The following RASSF6 variants were observed in gnomAD, a reference collection of about 807,000 sequenced individuals.
The protein encoded by RASSF6 is ras association domain-containing protein 6.
In RASSF6, 52 loss-of-function variants were observed where a neutral mutation model predicts 44.0. The ratio of observed to expected loss-of-function variants is 1.18; its 90% confidence interval spans 0.95 to 1.49. The LOEUF (loss-of-function observed/expected upper bound fraction) is 1.49. Among genes scored for constraint, RASSF6 ranks in the 40% most tolerant of loss-of-function variants. The pLI is 0.00. For synonymous variants in RASSF6, 162 were observed against 124.6 expected, an observed-to-expected ratio of 1.30 and a Z score of -2.00; for missense variants, 464 against 393.3, an observed-to-expected ratio of 1.18 and a Z score of -1.52.
At chr4:73,615,831 A>T in intron 1 of RASSF6, 1 of 1,365,512 alleles carries the variant, frequency 7.3e-7, no homozygotes, top group Non-Finnish European at 1.0e-6. Flanking sequence ...CAATGCTGGA[A>T]CGTGGTTCAC....
intron 6 of RASSF6, among the ~76,000 whole-genome samples, chr4:73,582,882 T>G (rs78298278): frequency 0.022 from 3,387 of 152,126 alleles, 34 homozygotes; most frequent in South Asian, 0.034. Context: ...AGTAAAAATG[T>G]GGATATGTAA....
intron 3 of RASSF6, among the ~76,000 whole-genome samples, chr4:73,597,789 C>A (rs1313894946): frequency 6.6e-6 from 1 of 152,102 alleles, no homozygotes. Context: ...TACTATGCAG[C>A]CATAAAAAAG....
chr4:73,593,108 C>T (rs1560449405), intron 4 of RASSF6, among the ~76,000 whole-genome samples: 2 of 151,648 alleles, frequency 1.3e-5, no homozygotes, highest in Non-Finnish European at 2.9e-5. Context: ...CTCCGCCTCC[C>T]GGATTAAAGC....
intron 5 of RASSF6, among the ~76,000 whole-genome samples, chr4:73,586,061 T>C (rs1195356664): frequency 7.0e-6 from 1 of 143,720 alleles, no homozygotes; most frequent in Non-Finnish European, 1.5e-5. Context: ...TTAGTTTTCC[T>C]ATAAAACTAC....
intron 5 of RASSF6, among the ~76,000 whole-genome samples, chr4:73,586,816 A>G (rs544644836): frequency 1.6e-4 from 25 of 152,038 alleles, no homozygotes; most frequent in African/African-American, 5.3e-4. Context: ...ATCCCATGGC[A>G]TAAAGAGAAA....
intron 2 of RASSF6, among the ~76,000 whole-genome samples, chr4:73,599,027 A>G (rs953739718): frequency 3.9e-5 from 6 of 152,162 alleles, no homozygotes; most frequent in African/African-American, 1.4e-4. Context: ...TCCTTTTTGT[A>G]TTTCAACATT....
chr4:73,619,521 TA>T (rs1726565953), intron 1 of RASSF6, among the ~76,000 whole-genome samples: 2 of 152,120 alleles, frequency 1.3e-5, no homozygotes, highest in Non-Finnish European at 2.9e-5. Flanking sequence ...ATGCTAACAG[TA>T]GGTATCACTT....
chr4:73,611,700 G>T, intron 2 of RASSF6, 31 bp downstream of exon 2: 1 of 1,408,002 alleles, frequency 7.1e-7, no homozygotes, highest in South Asian at 1.2e-5. Context: ...CTGGTGAGTA[G>T]GACAATGTAT....
At chr4:73,606,912 A>G in intron 2 of RASSF6, among the ~76,000 whole-genome samples, 1 of 152,142 alleles carries the variant, frequency 6.6e-6, no homozygotes, top group East Asian at 1.9e-4. Context: ...GATTGTTACT[A>G]GAGGGTCTGA....
At chr4:73,594,773 T>G (rs967354929) in intron 3 of RASSF6, among the ~76,000 whole-genome samples, 1 of 152,180 alleles carries the variant, frequency 6.6e-6, no homozygotes, top group African/African-American at 2.4e-5. Flanking sequence ...GTATATGATA[T>G]AGATTATATA....
At chr4:73,576,914 G>T (rs561075633) in intron 8 of RASSF6, among the ~76,000 whole-genome samples, 183 bp from the exon 9 acceptor site, 136 of 152,198 alleles carry the variant, frequency 8.9e-4, no homozygotes, top group Non-Finnish European at 1.8e-3. Context: ...TTCTCTTACT[G>T]TATCTCAAGT....
intron 8 of RASSF6, among the ~76,000 whole-genome samples, chr4:73,578,719 C>T (rs1723410580): frequency 6.6e-6 from 1 of 151,862 alleles, no homozygotes; most frequent in Non-Finnish European, 1.5e-5. Context: ...AGCGATTCTC[C>T]TGTCTCAGCT....
At chr4:73,603,443 G>A (rs1472150989) in intron 2 of RASSF6, among the ~76,000 whole-genome samples, 1 of 152,118 alleles carries the variant, frequency 6.6e-6, no homozygotes, top group Non-Finnish European at 1.5e-5. Context: ...GGCCCTGGAA[G>A]AGAGCTAGCC....
chr4:73,618,128 G>T (rs1245584129), intron 1 of RASSF6, among the ~76,000 whole-genome samples: 1 of 152,048 alleles, frequency 6.6e-6, no homozygotes, highest in Non-Finnish European at 1.5e-5. Context: ...AACTGGAAAA[G>T]TTAATTTTTT....
intron 5 of RASSF6, among the ~76,000 whole-genome samples, chr4:73,585,636 A>G (rs1440627331): frequency 1.3e-5 from 2 of 150,716 alleles, no homozygotes; most frequent in African/African-American, 2.5e-5. Context: ...GGGTTTGGGC[A>G]TTCCTTTAAT....
chr4:73,606,713 A>C lies in RASSF6; in HGVS notation c.65+5018T>G, dbSNP rs1283015007. 3.9e-5 allele frequency among the ~76,000 whole-genome samples: 6 copies of C among 152,188 alleles called. No individual in the cohort carries two copies. The East Asian group carries it at 1.2e-3, about 29-fold the overall frequency. ...ACACAACAGTAAGCATTATGGGAGC[A>C]GATGGAAACTTGCTGTAAAATTACA... On this transcript the variant is annotated intron_variant, in intron 2 of 10. Coordinates refer to ENST00000307439, the MANE Select transcript of RASSF6 (RefSeq NM_177532.5).
intron 8 of RASSF6, among the ~76,000 whole-genome samples, chr4:73,580,136 T>C (rs1451384296): frequency 6.6e-6 from 1 of 150,974 alleles, no homozygotes; most frequent in Non-Finnish European, 1.5e-5. Flanking sequence ...GGTTTTTTGT[T>C]CTTGCGATAG....
At chr4:73,613,240 A>C (rs1355604424) in intron 1 of RASSF6, among the ~76,000 whole-genome samples, 5 of 152,196 alleles carry the variant, frequency 3.3e-5, no homozygotes, top group Non-Finnish European at 5.9e-5. Context: ...GGACACCTGG[A>C]GGACTCATAC....
chr4:73,596,995 T>C (rs899517507), intron 3 of RASSF6, among the ~76,000 whole-genome samples: 1 of 152,110 alleles, frequency 6.6e-6, no homozygotes, highest in African/African-American at 2.4e-5. Context: ...ATGATCGAAA[T>C]GTAAAATGTA....
Sources: allele counts gnomAD v4.1 joint callset (sites outside exome capture counted in the v4.1 genomes callset), GRCh38; gene constraint gnomAD v4.1.1; transcripts MANE v1.5; gene names NCBI Gene and HGNC (gene_info 2026-07-23, HGNC 2026-07-21).